Variants in RBFOX1 observed in about 807,000 individuals in gnomAD.
The protein encoded by RBFOX1 is RNA binding protein fox-1 homolog 1.
A neutral mutation model predicts 57.7 loss-of-function variants in RBFOX1; 8 were observed. The observed-to-expected ratio is 0.14, with a 90% CI of 0.08 to 0.25. The LOEUF is 0.25. RBFOX1 is among the 10% of genes least tolerant of loss of function. The pLI, the probability that RBFOX1 is intolerant of heterozygous loss-of-function variation, is 1.00. For synonymous variants in RBFOX1, 326 were observed against 222.4 expected (o/e 1.47, Z -4.15); for missense variants, 611 against 548.5 (o/e 1.11, Z -1.14).
At chr16:5,338,331 T>C (rs927610528) in intron 1 of RBFOX1, among the ~76,000 whole-genome samples, 3 of 152,154 alleles carry the variant, frequency 2.0e-5, no homozygotes, top group African/African-American at 7.2e-5. Context: ...GACTTTATAA[T>C]TGGGAAGTAG....
intron 4 of RBFOX1, among the ~76,000 whole-genome samples, chr16:5,984,532 C>T (rs1348533371): frequency 1.3e-5 from 2 of 152,040 alleles, no homozygotes; most frequent in Admixed American, 6.5e-5. Flanking sequence ...GTTTCATTGA[C>T]AGGAATTACT....
chr16:6,679,247 T>G (rs1370736483), intron 3 of RBFOX1, among the ~76,000 whole-genome samples: 1 of 152,080 alleles, frequency 6.6e-6, no homozygotes, highest in Non-Finnish European at 1.5e-5. Context: ...GTTTTAAAGT[T>G]TACTGACACG....
At chr16:7,257,505 C>T (rs1314785521) in intron 4 of RBFOX1, among the ~76,000 whole-genome samples, 1 of 152,162 alleles carries the variant, frequency 6.6e-6, no homozygotes, top group East Asian at 1.9e-4. Context: ...GTTTCACCTG[C>T]TTAATGAGCC....
At chr16:5,630,328 A>G (rs929380212) in intron 3 of RBFOX1, among the ~76,000 whole-genome samples, 3 of 152,030 alleles carry the variant, frequency 2.0e-5, no homozygotes, top group African/African-American at 7.2e-5. Flanking sequence ...ATTGTGGCAC[A>G]TGTCTGTAAT....
chr16:6,901,013 C>T (rs922371098), intron 3 of RBFOX1, among the ~76,000 whole-genome samples: 7 of 152,070 alleles, frequency 4.6e-5, no homozygotes, highest in African/African-American at 1.2e-4. Context: ...TCCTGATATC[C>T]CTCCCATTCA....
intron 2 of RBFOX1, among the ~76,000 whole-genome samples, chr16:6,460,827 C>CAAAAAAAAAAAAAAAAAA: frequency 7.1e-6 from 1 of 141,334 alleles, no homozygotes; most frequent in Admixed American, 7.1e-5. Context: ...TTCAGAATAC[C>CAAAAAAAAAAAAAAAAAA]AAAAAAAAAA....
intron 1 of RBFOX1, among the ~76,000 whole-genome samples, chr16:6,261,160 T>C (rs2097699284): frequency 6.6e-6 from 1 of 152,208 alleles, no homozygotes; most frequent in Admixed American, 6.5e-5. Flanking sequence ...CCTAGGGTTG[T>C]GAACAGATGA....
intron 4 of RBFOX1, among the ~76,000 whole-genome samples, chr16:7,234,113 C>T (rs1466968936): frequency 6.6e-6 from 1 of 152,138 alleles, no homozygotes; most frequent in East Asian, 1.9e-4. Context: ...TTGCATTCAG[C>T]TCTATTCACA....
intron 3 of RBFOX1, among the ~76,000 whole-genome samples, chr16:6,765,772 G>A (rs1386680251): frequency 6.6e-6 from 1 of 152,010 alleles, no homozygotes; most frequent in Non-Finnish European, 1.5e-5. Context: ...AGGAAAATAT[G>A]GTATATTCAC....
chr16:7,134,694 C>G (rs988900215), intron 4 of RBFOX1, among the ~76,000 whole-genome samples: 6 of 152,170 alleles, frequency 3.9e-5, no homozygotes, highest in African/African-American at 1.4e-4. Context: ...ACTTAGAAAT[C>G]CTGACTGTGA....
chr16:5,706,304 T>G (rs1284981012), intron 3 of RBFOX1, among the ~76,000 whole-genome samples: 1 of 152,224 alleles, frequency 6.6e-6, no homozygotes, highest in East Asian at 1.9e-4. Flanking sequence ...TAAACATGTT[T>G]CCTGATGTAG....
chr16:6,587,367 C>T (rs1163176780), intron 2 of RBFOX1, among the ~76,000 whole-genome samples: 3 of 152,012 alleles, frequency 2.0e-5, no homozygotes, highest in East Asian at 1.9e-4. Flanking sequence ...CAGCAAACTT[C>T]GCCTCCCAGG....
intron 1 of RBFOX1, among the ~76,000 whole-genome samples, chr16:5,451,741 C>G (rs779003655): frequency 6.6e-6 from 1 of 152,190 alleles, no homozygotes; most frequent in Non-Finnish European, 1.5e-5. Flanking sequence ...GTTCCACATA[C>G]GGATACCTCT....
intron 3 of RBFOX1, among the ~76,000 whole-genome samples, chr16:7,021,238 G>A (rs376597899): frequency 8.6e-5 from 13 of 151,452 alleles, no homozygotes; most frequent in East Asian, 3.9e-4. Context: ...TATGTGTTGC[G>A]TCGGCCCCCA....
intron 3 of RBFOX1, among the ~76,000 whole-genome samples, chr16:6,827,178 A>G (rs1012541817): frequency 1.3e-5 from 2 of 149,084 alleles, no homozygotes; most frequent in South Asian, 4.3e-4. Context: ...ATTTTTAAAA[A>G]TAAATCCATT....
chr16:6,681,079 G>A (rs931826477), intron 3 of RBFOX1, among the ~76,000 whole-genome samples: 1 of 152,156 alleles, frequency 6.6e-6, no homozygotes, highest in Admixed American at 6.5e-5. Flanking sequence ...GCAAGGCTGA[G>A]GTGGGTGGAT....
intron 3 of RBFOX1, among the ~76,000 whole-genome samples, chr16:6,865,386 C>G (rs901620534): frequency 6.6e-6 from 1 of 151,926 alleles, no homozygotes; most frequent in Admixed American, 6.6e-5. Context: ...CAGAAAAACA[C>G]AAAGAAGAAA....
At chr16:7,323,210 T>A (rs575295328) in intron 4 of RBFOX1, among the ~76,000 whole-genome samples, 5 of 152,204 alleles carry the variant, frequency 3.3e-5, no homozygotes, top group African/African-American at 9.6e-5. Flanking sequence ...GATCACTTGA[T>A]CCCAGGAGTA....
intron 3 of RBFOX1, among the ~76,000 whole-genome samples, chr16:6,983,143 A>G (rs1263427635): frequency 6.6e-6 from 1 of 152,060 alleles, no homozygotes; most frequent in Non-Finnish European, 1.5e-5. Context: ...TGTTCCATTG[A>G]CAGCTTCCTA....
Sources: allele counts gnomAD v4.1 joint callset (sites outside exome capture counted in the v4.1 genomes callset), GRCh38; gene constraint gnomAD v4.1.1; transcripts MANE v1.5; gene names NCBI Gene and HGNC (gene_info 2026-07-23, HGNC 2026-07-21).